The following PPTC7 variants were observed in gnomAD, a reference collection of about 807,000 sequenced individuals.
PPTC7 encodes protein phosphatase targeting COQ7.
In PPTC7, 6 loss-of-function variants were observed where a neutral mutation model predicts 30.8. That is an observed-to-expected ratio of 0.19 (90% CI 0.11 to 0.38). The LOEUF is 0.38. PPTC7 is among the 10% of genes least tolerant of loss of function. PPTC7 has a pLI of 1.00. For synonymous variants in PPTC7, 163 were observed against 168.1 expected (o/e 0.97, Z 0.23); for missense variants, 218 against 404.8 (o/e 0.54, Z 3.96).
chr12:110,563,790 C>T (rs951570649), intron 1 of PPTC7, among the ~76,000 whole-genome samples: 20 of 152,146 alleles, frequency 1.3e-4, no homozygotes, highest in Non-Finnish European at 2.5e-4. Context: ...AATGAGCCTC[C>T]ACATACACTT....
Position 110,534,976 on chromosome 12 carries a change from A to G in PPTC7, c.*2061T>C, listed in dbSNP as rs2064208059. 1 of 152,668 alleles carries G rather than the reference A, an allele frequency of 6.6e-6. No homozygotes were observed. The highest frequency in any genetic ancestry group is 2.1e-4 in the South Asian group (1 of 4,834). The allele number at this position is 152,668 out of a possible 1,614,324, so 9.5% of individuals were successfully genotyped here. A position where few individuals can be genotyped will look rare whatever the true frequency, so the allele number is the denominator to read the frequency against. ...CATAAGGCTACATACTCTTACCAAA[A>G]ATAATTGAAAACCTAAACAAAAGAG... On this transcript the variant is annotated 3_prime_UTR_variant, in exon 6 of 6. Transcript: ENST00000354300.
chr12:110,579,874 G>C (rs559714809), intron 1 of PPTC7, among the ~76,000 whole-genome samples: 1 of 152,000 alleles, frequency 6.6e-6, no homozygotes, highest in African/African-American at 2.4e-5. Context: ...TTAGCCGGGC[G>C]TGATGGCGCG....
At chr12:110,568,822 A>T (rs1394168619) in intron 1 of PPTC7, among the ~76,000 whole-genome samples, 2 of 152,194 alleles carry the variant, frequency 1.3e-5, no homozygotes, top group African/African-American at 4.8e-5. Context: ...CCTGGGTCAG[A>T]ACTCGCTACA....
chr12:110,562,002 T>A (rs898502085), intron 1 of PPTC7, among the ~76,000 whole-genome samples: 1 of 152,072 alleles, frequency 6.6e-6, no homozygotes, highest in Non-Finnish European at 1.5e-5. Context: ...AAATGTTGTA[T>A]CTGCAAATAA....
chr12:110,551,867 G>A lies in PPTC7; in HGVS notation c.325C>T (p.Arg109Trp), dbSNP rs755061887. ...CCAATGGGATTACTAGGTACGAACC[G>A]TCCTTCTTTTACTAAACGTTCACAC... ...RTCERLVKEG[R>W]FVPSNPIGIL... Residue 109 changes from arginine (R) to tryptophan (W), a missense_variant, in exon 2 of 6, where the codon CGG (arginine) becomes TGG (tryptophan). Physicochemically the swap from Arg to Trp is moderately radical, Grantham distance 101. Coordinates refer to ENST00000354300, the MANE Select transcript of PPTC7 (RefSeq NM_139283.2). 3.1e-6 allele frequency: 5 copies of A among 1,614,098 alleles called. No individual in the cohort carries two copies. Among genetic ancestry groups the A allele is most frequent in the East Asian group, 2.2e-5 (1 of 44,884 alleles).
intron 1 of PPTC7, among the ~76,000 whole-genome samples, chr12:110,559,145 T>A (rs1420302220): frequency 6.6e-6 from 1 of 152,112 alleles, no homozygotes; most frequent in Admixed American, 6.6e-5. Flanking sequence ...CACTTCAGCC[T>A]CCAGAGTAGC....
At chr12:110,543,723 G>C (rs1269807046) in intron 3 of PPTC7, among the ~76,000 whole-genome samples, 2 of 152,212 alleles carry the variant, frequency 1.3e-5, no homozygotes, top group African/African-American at 2.4e-5. Context: ...TGTTCTGCCA[G>C]CTGCAGTTTT....
intron 1 of PPTC7, among the ~76,000 whole-genome samples, chr12:110,576,491 TG>T (rs1302452015): frequency 6.6e-6 from 1 of 152,192 alleles, no homozygotes; most frequent in Admixed American, 6.6e-5. Flanking sequence ...AACAGATGAA[TG>T]GATCAACAAA....
intron 1 of PPTC7, among the ~76,000 whole-genome samples, chr12:110,576,778 T>C (rs1162119486): frequency 2.0e-5 from 3 of 152,178 alleles, no homozygotes; most frequent in Non-Finnish European, 4.4e-5. Flanking sequence ...ATAGTGGCAG[T>C]GGCTGTACAA....
chr12:110,574,993 T>C (rs2064576406), intron 1 of PPTC7, among the ~76,000 whole-genome samples: 3 of 150,858 alleles, frequency 2.0e-5, no homozygotes, highest in Admixed American at 1.3e-4. Flanking sequence ...TTTCGTCATA[T>C]TGGCCAGGCT....
rs987398110 is a variant in PPTC7 at position 110,534,378 on chromosome 12, A to T, written c.*2659T>A. On this transcript the variant is annotated 3_prime_UTR_variant, in exon 6 of 6. Coordinates refer to ENST00000354300, the MANE Select transcript of PPTC7 (RefSeq NM_139283.2). The stretch of plus-strand genomic sequence containing the variant: ...AAATCCAAATTTTTTCTTTTGTTAT[A>T]AAAGTCCATTACATGAGGCGTGTGT... 4 of 152,112 alleles carry T rather than the reference A, an allele frequency of 2.6e-5. No individual in the cohort carries two copies. Among genetic ancestry groups the T allele is most frequent in the African/African-American group, 7.2e-5 (3 of 41,410 alleles). 9.4% of individuals were successfully genotyped at this position (152,112 alleles called of 1,614,324 possible).
chr12:110,578,761 C>A (rs557778951), intron 1 of PPTC7, among the ~76,000 whole-genome samples: 3 of 152,258 alleles, frequency 2.0e-5, no homozygotes, highest in African/African-American at 7.2e-5. Flanking sequence ...TTAAGTTCAA[C>A]GTAACGTTAT....
At chr12:110,546,117 A>T in intron 2 of PPTC7, 39 bp from the exon 3 acceptor site, 1 of 1,568,136 alleles carries the variant, frequency 6.4e-7, no homozygotes, top group Non-Finnish European at 8.7e-7. Context: ...TTTTCTTCCT[A>T]GGCTGCCTTT....
At chr12:110,551,423 G>A (rs985697185) in intron 2 of PPTC7, among the ~76,000 whole-genome samples, 11 of 152,132 alleles carry the variant, frequency 7.2e-5, no homozygotes, top group South Asian at 2.1e-4. Flanking sequence ...TCGGCACACC[G>A]CAACATCCAC....
chr12:110,541,026 T>G (rs1005128961), intron 3 of PPTC7, among the ~76,000 whole-genome samples: 12 of 150,498 alleles, frequency 8.0e-5, no homozygotes, highest in Non-Finnish European at 1.8e-4. Flanking sequence ...CTGCCCGCCT[T>G]GGCCTCTCAA....
At chr12:110,567,593 A>T (rs1202602723) in intron 1 of PPTC7, among the ~76,000 whole-genome samples, 1 of 152,210 alleles carries the variant, frequency 6.6e-6, no homozygotes, top group Non-Finnish European at 1.5e-5. Flanking sequence ...GCCTACCATG[A>T]GTCTGAAGCT....
chr12:110,538,291 G>A lies in PPTC7; in HGVS notation c.727-18C>T, dbSNP rs1352177013. The A allele has an allele frequency of 5.6e-6, 9 of 1,611,386 alleles. No homozygotes were observed. The highest frequency in any genetic ancestry group is 7.6e-6 in the Non-Finnish European group (9 of 1,177,688). ...TTTGAATTCTAAGATAAAGCATGAG[G>A]AAGTTATTTTACCATAATGCTCAAG... On this transcript the variant is annotated intron_variant, in intron 4 of 5. Coordinates refer to ENST00000354300, the MANE Select transcript of PPTC7 (RefSeq NM_139283.2).
intron 1 of PPTC7, among the ~76,000 whole-genome samples, chr12:110,571,790 A>G (rs1167299235): frequency 2.0e-5 from 3 of 152,212 alleles, no homozygotes; most frequent in African/African-American, 7.2e-5. Context: ...GTGTATTGTA[A>G]TAAGAAAAAA....
At chr12:110,539,729 C>A in intron 4 of PPTC7, 93 bp downstream of exon 4, 1 of 1,179,682 alleles carries the variant, frequency 8.5e-7, no homozygotes, top group South Asian at 1.7e-5. Flanking sequence ...TAGTTCTTTC[C>A]AAAACTACAA....
Sources: allele counts gnomAD v4.1 joint callset (sites outside exome capture counted in the v4.1 genomes callset), GRCh38; gene constraint gnomAD v4.1.1; transcripts MANE v1.5; gene names NCBI Gene and HGNC (gene_info 2026-07-23, HGNC 2026-07-21).